The following STK33 variants were observed in gnomAD, a reference collection of about 807,000 sequenced individuals.
The protein encoded by STK33 is serine/threonine kinase 33, also known as serine/threonine-protein kinase 33.
STK33 carries 52 observed loss-of-function variants against 58.0 expected under a neutral mutation model. The ratio of observed to expected loss-of-function variants is 0.90; its 90% CI spans 0.72 to 1.13. STK33 has a LOEUF of 1.13. Ranked by LOEUF, STK33 falls within the 50% of genes most tolerant of loss-of-function variation. STK33 has a pLI of 0.00. For missense variants in STK33, 630 were observed against 604.2 expected, an observed-to-expected ratio of 1.04 and a Z score of -0.45; for synonymous variants, 215 against 200.1, an observed-to-expected ratio of 1.07 and a Z score of -0.63.
At chr11:8,485,340 CTTCAAA>C (rs1249355351) in intron 1 of STK33, among the ~76,000 whole-genome samples, 1 of 152,110 alleles carries the variant, frequency 6.6e-6, no homozygotes, top group Non-Finnish European at 1.5e-5. Context: ...TTACACAGGC[CTTCAAA>C]TTCAAAGAAC....
At chr11:8,570,699 G>C (rs1421705404) in intron 1 of STK33, among the ~76,000 whole-genome samples, 2 of 152,230 alleles carry the variant, frequency 1.3e-5, no homozygotes, top group Non-Finnish European at 2.9e-5. Flanking sequence ...TGAGAATGCA[G>C]AGGAGGGCCG....
chr11:8,474,649 T>C, intron 5 of STK33, 32 bp downstream of exon 5: 1 of 1,526,734 alleles, frequency 6.5e-7, no homozygotes, highest in Non-Finnish European at 8.9e-7. Context: ...GGATGTCAAC[T>C]TGTGCTTAGA....
intron 14 of STK33, among the ~76,000 whole-genome samples, chr11:8,431,623 T>G (rs1943437936): frequency 6.6e-6 from 1 of 152,200 alleles, no homozygotes; most frequent in Non-Finnish European, 1.5e-5. Context: ...TTAAATAAAA[T>G]GATACTTGCA....
At chr11:8,470,246 C>A (rs1948645042) in intron 6 of STK33, among the ~76,000 whole-genome samples, 1 of 152,258 alleles carries the variant, frequency 6.6e-6, no homozygotes, top group African/African-American at 2.4e-5. Context: ...TACATCAGCA[C>A]TTGCTGCTTC....
intron 1 of STK33, among the ~76,000 whole-genome samples, chr11:8,522,341 A>G (rs1953535786): frequency 6.6e-6 from 1 of 152,176 alleles, no homozygotes; most frequent in Non-Finnish European, 1.5e-5. Context: ...GGGTGAAGCT[A>G]GAAACCATGA....
chr11:8,430,795 G>T (rs1943323655), intron 14 of STK33, among the ~76,000 whole-genome samples: 1 of 151,766 alleles, frequency 6.6e-6, no homozygotes, highest in Non-Finnish European at 1.5e-5. Flanking sequence ...TTGAATTATT[G>T]AGTATATACC....
At chr11:8,433,266 T>C (rs1943632343) in intron 14 of STK33, among the ~76,000 whole-genome samples, 1 of 152,126 alleles carries the variant, frequency 6.6e-6, no homozygotes, top group Non-Finnish European at 1.5e-5. Flanking sequence ...AAAAAAAAAG[T>C]TATTCAAAGA....
At chr11:8,545,746 A>G (rs1955859339) in intron 1 of STK33, among the ~76,000 whole-genome samples, 1 of 152,204 alleles carries the variant, frequency 6.6e-6, no homozygotes, top group African/African-American at 2.4e-5. Context: ...AAACAAGAAG[A>G]GAGATGAATG....
chr11:8,533,050 G>C (rs1954676474), intron 1 of STK33, among the ~76,000 whole-genome samples: 1 of 152,186 alleles, frequency 6.6e-6, no homozygotes, highest in Non-Finnish European at 1.5e-5. Context: ...ATTGATGTCT[G>C]CTCTTGAAAG....
chr11:8,519,283 C>T (rs975286565), intron 1 of STK33, among the ~76,000 whole-genome samples: 3 of 152,036 alleles, frequency 2.0e-5, no homozygotes, highest in African/African-American at 4.8e-5. Flanking sequence ...AAGATGTTCT[C>T]TGAAACCAAT....
At chr11:8,517,454 G>A (rs1046464820) in intron 1 of STK33, among the ~76,000 whole-genome samples, 2 of 152,304 alleles carry the variant, frequency 1.3e-5, no homozygotes, top group South Asian at 2.1e-4. Flanking sequence ...GCAGCTCCTC[G>A]CCAGCAACGG....
At position 8,392,373 on chromosome 11, in the gene STK33, G is replaced by T; in HGVS notation, c.*137C>A. On this transcript the variant is annotated 3_prime_UTR_variant, in exon 16 of 16. Transcript: ENST00000687296. The stretch of plus-strand genomic sequence containing the variant: ...TAAGCAGCTTCAATTTTAAGCTGGT[G>T]CAAACACATGGCGGGGCTCTGTGGA... 1.0e-6 allele frequency: 1 copy of T among 1,004,558 alleles called. No individual in the cohort carries two copies. The highest frequency in any genetic ancestry group is 1.5e-6 in the Non-Finnish European group (1 of 668,616). The allele number at this position is 1,004,558 out of a possible 1,614,324, so 62.2% of individuals were successfully genotyped here. A position where few individuals can be genotyped will look rare whatever the true frequency, so the allele number is the denominator to read the frequency against.
intron 1 of STK33, among the ~76,000 whole-genome samples, chr11:8,572,139 A>G (rs1957872388): frequency 6.6e-6 from 1 of 151,934 alleles, no homozygotes. Flanking sequence ...CCTTGCAAGA[A>G]AAAGACAGAA....
At chr11:8,448,392 G>A (rs1945802667) in intron 11 of STK33, among the ~76,000 whole-genome samples, 1 of 152,090 alleles carries the variant, frequency 6.6e-6, no homozygotes, top group Non-Finnish European at 1.5e-5. Context: ...ATACTACAAG[G>A]CTACAGTAAC....
chr11:8,488,410 A>C (rs1290810197), intron 1 of STK33, among the ~76,000 whole-genome samples: 2 of 152,116 alleles, frequency 1.3e-5, no homozygotes, highest in East Asian at 3.9e-4. Flanking sequence ...TGCACAGGAA[A>C]GACTTGAGAA....
the STK33 span, among the ~76,000 whole-genome samples, chr11:8,368,413 T>C: frequency 6.6e-6 from 1 of 152,210 alleles, no homozygotes; most frequent in Non-Finnish European, 1.5e-5. Context: ...GCCTGTGCCA[T>C]CAAGGTCGAA....
At chr11:8,521,229 T>C (rs533703319) in intron 1 of STK33, among the ~76,000 whole-genome samples, 11 of 152,054 alleles carry the variant, frequency 7.2e-5, no homozygotes, top group South Asian at 2.1e-4. Context: ...CTTCAAACTA[T>C]ATAAGGCTAC....
chr11:8,376,883 A>G, the STK33 span, among the ~76,000 whole-genome samples: 1 of 152,128 alleles, frequency 6.6e-6, no homozygotes, highest in Admixed American at 6.6e-5. Context: ...TCCAGCTGCC[A>G]TACTTTGGCT....
rs1468315159 is a variant in STK33 at position 8,414,915 on chromosome 11, C to T, written c.1147-1223G>A. ...TTAAGATCCATTTCTGTCAGATATC[C>T]CAGAATTCCCAACTATGTAGTCAAC... is the stretch of plus-strand genomic sequence containing the variant. On this transcript the variant is annotated intron_variant, in intron 14 of 15. Transcript: ENST00000687296. Among the ~76,000 whole-genome samples the T allele has an allele frequency of 2.6e-5, 4 of 152,018 alleles. No homozygotes were observed. The East Asian group carries it at 7.7e-4, about 29-fold the overall frequency.
Sources: allele counts gnomAD v4.1 joint callset (sites outside exome capture counted in the v4.1 genomes callset), GRCh38; gene constraint gnomAD v4.1.1; transcripts MANE v1.5; gene names NCBI Gene and HGNC (gene_info 2026-07-23, HGNC 2026-07-21).